Variants in CORO1C observed in about 807,000 individuals in gnomAD.
CORO1C encodes the protein coronin-1C.
CORO1C carries 14 observed loss-of-function variants against 51.2 expected under a neutral mutation model. The observed-to-expected ratio is 0.27, with a 90% confidence interval of 0.18 to 0.43. CORO1C has a LOEUF of 0.43. CORO1C is among the 20% of genes least tolerant of loss of function. The probability of loss-of-function intolerance (pLI) is 1.00; values close to 1 mark genes in which losing one functional copy is unlikely to be tolerated. For synonymous variants in CORO1C, 181 were observed against 210.5 expected (o/e 0.86, Z 1.21); for missense variants, 417 against 607.8 (o/e 0.69, Z 3.30).
At position 108,647,336 on chromosome 12, in the gene CORO1C, A is replaced by G; in HGVS notation, c.*67T>C. ...CCCTTTCCGCCCTCCCTAGGACCAC[A>G]CCAATAACCAGCTCCCAAGCACAAG... On this transcript the variant is annotated 3_prime_UTR_variant, in exon 11 of 11. Transcript: ENST00000261401. 7.7e-6 allele frequency: 12 copies of G among 1,549,328 alleles called. No individual in the cohort carries two copies. Among genetic ancestry groups the G allele is most frequent in the Non-Finnish European group, 1.1e-5 (12 of 1,139,178 alleles).
chr12:108,700,876 C>G lies in CORO1C; in HGVS notation c.195+248G>C. ...TAAAATTCCTATGCCTGCCCATGCT[C>G]ACAACATCGTTATAATAATTTTTTC... On this transcript the variant is annotated intron_variant, in intron 2 of 10. Transcript: ENST00000261401. 7.2e-6 allele frequency: 3 copies of G among 417,486 alleles called. No homozygotes were observed. The South Asian group carries it at 1.4e-4, about 20-fold the overall frequency. 25.9% of individuals were successfully genotyped at this position (417,486 alleles called of 1,614,324 possible).
intron 1 of CORO1C, among the ~76,000 whole-genome samples, chr12:108,716,875 C>T (rs1238666976): frequency 6.6e-6 from 1 of 152,208 alleles, no homozygotes; most frequent in African/African-American, 2.4e-5. Flanking sequence ...TAATCCCAGT[C>T]ATTCTTTTGT....
Position 108,647,262 on chromosome 12 carries a change from A to G in CORO1C, c.*141T>C. 2.9e-6 allele frequency: 2 copies of G among 699,914 alleles called. No homozygotes were observed. Among genetic ancestry groups the G allele is most frequent in the African/African-American group, 3.7e-5 (2 of 54,586 alleles). The allele number at this position is 699,914 out of a possible 1,614,324, so 43.4% of individuals were successfully genotyped here. On this transcript the variant is annotated 3_prime_UTR_variant, in exon 11 of 11. Coordinates refer to ENST00000261401, the MANE Select transcript of CORO1C (RefSeq NM_014325.4). Reference sequence around the variant, plus strand: ...TTGAGTTCTTACTGGAATGTGGCCTATCGCTGGTTGACAAATCTGAAATGG... The same window carrying G: ...TTGAGTTCTTACTGGAATGTGGCCTGTCGCTGGTTGACAAATCTGAAATGG...
At chr12:108,717,903 C>A (rs933206303) in intron 1 of CORO1C, among the ~76,000 whole-genome samples, 2 of 152,008 alleles carry the variant, frequency 1.3e-5, no homozygotes, top group Admixed American at 6.6e-5. Flanking sequence ...TGAAGAAAAA[C>A]GTATTGAGCA....
chr12:108,710,667 G>A (rs1001985028), intron 1 of CORO1C, among the ~76,000 whole-genome samples: 7 of 151,392 alleles, frequency 4.6e-5, no homozygotes, highest in South Asian at 2.1e-4. Flanking sequence ...CAGGTTCAAC[G>A]ATTCTCCTGC....
rs150637843 is a variant in CORO1C at position 108,691,042 on chromosome 12, C to T, written c.195+10082G>A. 4.7e-3 allele frequency among the ~76,000 whole-genome samples: 709 copies of T among 152,206 alleles called. 4 individuals are homozygous for T. The highest frequency in any genetic ancestry group is 0.014 in the Middle Eastern group (4 of 294). On this transcript the variant is annotated intron_variant, in intron 2 of 10. Transcript: ENST00000261401. The stretch of plus-strand genomic sequence containing the variant: ...AATCCACAGGTCTCAGAATGAAAAT[C>T]CACCCTCCTTGGATGGTGGAGATGA...
chr12:108,661,832 G>C (rs2033274731), intron 4 of CORO1C, among the ~76,000 whole-genome samples, 197 bp downstream of exon 4: 1 of 152,122 alleles, frequency 6.6e-6, no homozygotes. Context: ...AAATGGCCTT[G>C]AAACACACAC....
chr12:108,692,243 T>A (rs2034523414), intron 2 of CORO1C, among the ~76,000 whole-genome samples: 1 of 152,022 alleles, frequency 6.6e-6, no homozygotes, highest in Non-Finnish European at 1.5e-5. Flanking sequence ...TCAGACAATC[T>A]ATTTCAGGAG....
chr12:108,697,713 G>C (rs2034733489), intron 2 of CORO1C, among the ~76,000 whole-genome samples: 1 of 152,150 alleles, frequency 6.6e-6, no homozygotes, highest in African/African-American at 2.4e-5. Context: ...CTAATGAGGA[G>C]ACAAACACCT....
At chr12:108,687,311 G>A (rs985706771) in intron 2 of CORO1C, among the ~76,000 whole-genome samples, 25 of 152,040 alleles carry the variant, frequency 1.6e-4, no homozygotes, top group East Asian at 3.8e-4. Flanking sequence ...GAAATCCGGC[G>A]AAACCCTGTC....
chr12:108,675,808 T>C (rs1223429637), intron 3 of CORO1C, among the ~76,000 whole-genome samples: 1 of 152,180 alleles, frequency 6.6e-6, no homozygotes, highest in Non-Finnish European at 1.5e-5. Flanking sequence ...CTTCCTAGCG[T>C]ATGGAAGAAC....
At chr12:108,653,084 T>C (rs1430035556) in intron 7 of CORO1C, 2 of 152,230 alleles carry the variant, frequency 1.3e-5, no homozygotes, top group South Asian at 4.1e-4. Context: ...GATATACATA[T>C]ATGTAAGAAA....
At chr12:108,710,190 T>C (rs974752566) in intron 1 of CORO1C, among the ~76,000 whole-genome samples, 4 of 152,206 alleles carry the variant, frequency 2.6e-5, no homozygotes, top group Non-Finnish European at 4.4e-5. Context: ...CAGGAATAGG[T>C]TGAGAACACA....
chr12:108,664,401 G>A (rs1463103732), intron 3 of CORO1C, among the ~76,000 whole-genome samples: 1 of 152,178 alleles, frequency 6.6e-6, no homozygotes, highest in Non-Finnish European at 1.5e-5. Context: ...CAAAAAATGA[G>A]AACAAAAAGT....
chr12:108,683,459 A>AAAAATAAATAAC (rs56001016), intron 2 of CORO1C, among the ~76,000 whole-genome samples: 10,925 of 148,164 alleles, frequency 0.074, 609 homozygotes, highest in East Asian at 0.31. Flanking sequence ...TCAGTGGAAA[A>AAAAATAAATAAC]AAAATAAATA....
chr12:108,687,785 T>A (rs1005929482), intron 2 of CORO1C, among the ~76,000 whole-genome samples: 4 of 151,802 alleles, frequency 2.6e-5, no homozygotes, highest in African/African-American at 9.7e-5. Context: ...TCTGTCTCAA[T>A]AATAATAATA....
chr12:108,693,123 C>G (rs547882323), intron 2 of CORO1C, among the ~76,000 whole-genome samples: 14 of 151,888 alleles, frequency 9.2e-5, no homozygotes, highest in African/African-American at 1.9e-4. Context: ...TATCCTCCCC[C>G]CTAAAGAAAA....
At chr12:108,723,398 G>C (rs763778114) in intron 1 of CORO1C, among the ~76,000 whole-genome samples, 1 of 152,166 alleles carries the variant, frequency 6.6e-6, no homozygotes, top group Non-Finnish European at 1.5e-5. Context: ...AGCAAATAAT[G>C]GTGATTAAAC....
chr12:108,681,159 C>T (rs758883456), intron 2 of CORO1C, among the ~76,000 whole-genome samples: 4 of 152,254 alleles, frequency 2.6e-5, no homozygotes, highest in East Asian at 3.9e-4. Flanking sequence ...TGCCACCATG[C>T]GTGGCTTGAA....
Sources: gnomAD v4.1 joint callset for allele counts (sites outside exome capture counted in the v4.1 genomes callset) on GRCh38, gnomAD v4.1.1 for gene constraint, MANE v1.5 for transcripts, NCBI Gene and HGNC (gene_info 2026-07-23, HGNC 2026-07-21) for gene names.